GFPT2: variants seen among roughly 807,000 people sequenced by gnomAD.
GFPT2 encodes glutamine--fructose-6-phosphate transaminase 2.
Under a neutral mutation model 85.6 loss-of-function variants are expected in GFPT2, and 62 were observed. That is an observed-to-expected ratio of 0.72 (90% CI 0.59 to 0.90). GFPT2 has a LOEUF of 0.90. Among genes scored for constraint, GFPT2 ranks in the 40% least tolerant of loss-of-function variants. GFPT2 has a pLI of 0.00. For missense variants in GFPT2, 788 were observed against 893.4 expected (o/e 0.88, Z 1.50); for synonymous variants, 368 against 344.5 (o/e 1.07, Z -0.75).
At chr5:180,338,989 T>C (rs1334792155) in intron 1 of GFPT2, among the ~76,000 whole-genome samples, 1 of 152,182 alleles carries the variant, frequency 6.6e-6, no homozygotes, top group African/African-American at 2.4e-5. Context: ...AGGAGTGCCA[T>C]AGAAAGGGAC....
chr5:180,344,479 TG>T (rs2127657614), intron 1 of GFPT2, among the ~76,000 whole-genome samples: 1 of 152,334 alleles, frequency 6.6e-6, no homozygotes, highest in Non-Finnish European at 1.5e-5. Context: ...CACAGGGGGA[TG>T]TCCTAGCCAA....
At chr5:180,337,411 C>T (rs1162854478) in intron 2 of GFPT2, among the ~76,000 whole-genome samples, 1 of 149,782 alleles carries the variant, frequency 6.7e-6, no homozygotes, top group Non-Finnish European at 1.5e-5. Flanking sequence ...TGAGATCGCG[C>T]CACTGCACTT....
At position 180,323,577 on chromosome 5, in the gene GFPT2, T is replaced by C. The variant is rs1219965851; in HGVS notation, c.794+611A>G. Among the ~76,000 whole-genome samples, 1 of 152,132 alleles carries C rather than the reference T, an allele frequency of 6.6e-6. No individual in the cohort carries two copies. The highest frequency in any genetic ancestry group is 2.4e-5 in the African/African-American group (1 of 41,420). On this transcript the variant is annotated intron_variant, in intron 9 of 18. Transcript: ENST00000253778. This position sits in a 1 kb window ranked among gnomAD's most constrained non-coding sequence, Gnocchi z 4.0. ...GTGTGTGTGAGTGTGTGTATAACTT[T>C]TTTTTTTTCTGAAATGAGTATAAAG...
At chr5:180,308,122 G>A (rs912045835) in intron 15 of GFPT2, among the ~76,000 whole-genome samples, 8 of 152,098 alleles carry the variant, frequency 5.3e-5, no homozygotes, top group African/African-American at 1.9e-4. Context: ...CGGGCATGGT[G>A]GCGGGCGCCT....
At chr5:180,345,138 G>T (rs1764581790) in intron 1 of GFPT2, among the ~76,000 whole-genome samples, 1 of 152,284 alleles carries the variant, frequency 6.6e-6, no homozygotes, top group African/African-American at 2.4e-5. Context: ...CACAGGGCAA[G>T]GAGCTTGAGA....
chr5:180,321,736 C>T (rs114307390), intron 9 of GFPT2, among the ~76,000 whole-genome samples: 274 of 151,928 alleles, frequency 1.8e-3, no homozygotes, highest in African/African-American at 6.2e-3. Flanking sequence ...GTTCCAAAGG[C>T]ATAAACAAAT....
intron 1 of GFPT2, among the ~76,000 whole-genome samples, chr5:180,340,912 T>G (rs1764503388): frequency 6.6e-6 from 1 of 152,142 alleles, no homozygotes; most frequent in Admixed American, 6.5e-5. Flanking sequence ...AAGACCACCA[T>G]GCAGCTGAGG....
Position 180,353,307 on chromosome 5 carries a change from T to TGGGCTCCGC in GFPT2, c.-91_-90insGCGGAGCCC, listed in dbSNP as rs1490774353. 9.1e-6 allele frequency: 9 copies of TGGGCTCCGC among 991,642 alleles called. No individual in the cohort carries two copies. Among genetic ancestry groups the TGGGCTCCGC allele is most frequent in the African/African-American group, 3.5e-5 (2 of 56,534 alleles). The allele number at this position is 991,642 out of a possible 1,614,324, so 61.4% of individuals were successfully genotyped here. ...TCCGTGGGCTCCTCCGTGGGCTCCG[T>TGGGCTCCGC]GGGCTCCGTGGGCTCCGCGGGCTCC... On this transcript the variant is annotated 5_prime_UTR_variant, in exon 1 of 19. Coordinates refer to ENST00000253778, the MANE Select transcript of GFPT2 (RefSeq NM_005110.4).
intron 9 of GFPT2, among the ~76,000 whole-genome samples, chr5:180,322,038 C>T (rs760880277): frequency 1.3e-5 from 2 of 152,108 alleles, no homozygotes; most frequent in Non-Finnish European, 2.9e-5. Flanking sequence ...CTGTCCGCCT[C>T]GGCCTCCCAA....
chr5:180,352,755 C>A, intron 1 of GFPT2: 1 of 360,126 alleles, frequency 2.8e-6, no homozygotes. Flanking sequence ...GTCGCCTCTC[C>A]TCTCCTCGGT....
intron 4 of GFPT2, among the ~76,000 whole-genome samples, chr5:180,332,249 G>A (rs1764316677): frequency 6.8e-6 from 1 of 148,128 alleles, no homozygotes; most frequent in Non-Finnish European, 1.5e-5. Context: ...GGGGGGGCGG[G>A]GGGAGCAGGG....
intron 1 of GFPT2, among the ~76,000 whole-genome samples, chr5:180,342,564 C>T (rs1045028565): frequency 6.6e-6 from 1 of 151,984 alleles, no homozygotes; most frequent in Non-Finnish European, 1.5e-5. Context: ...GCATAAGCCA[C>T]AGTGCCCAGC....
chr5:180,332,171 C>CACA (rs1157027427), intron 4 of GFPT2, among the ~76,000 whole-genome samples: 1 of 151,274 alleles, frequency 6.6e-6, no homozygotes, highest in Non-Finnish European at 1.5e-5. Context: ...GTTCCTGCCG[C>CACA]ACAACCCAGC....
intron 13 of GFPT2, 124 bp from the exon 14 acceptor site, chr5:180,314,088 C>G (rs969312372): frequency 2.1e-6 from 2 of 950,780 alleles, no homozygotes; most frequent in Non-Finnish European, 3.0e-6. Context: ...AGCGGGTGTT[C>G]AGAAAGGAAA....
intron 13 of GFPT2, among the ~76,000 whole-genome samples, chr5:180,315,550 C>T (rs1369576951): frequency 3.3e-5 from 5 of 152,048 alleles, no homozygotes; most frequent in Admixed American, 3.3e-4. Flanking sequence ...TCATGATGCC[C>T]GGGATTGGCT....
At chr5:180,329,400 C>T (rs1764267024) in intron 6 of GFPT2, among the ~76,000 whole-genome samples, 2 of 152,142 alleles carry the variant, frequency 1.3e-5, no homozygotes, top group African/African-American at 4.8e-5. Flanking sequence ...AAAAAGAGCC[C>T]GGTACTGTCC....
In GFPT2 at chr5:180,330,692, T is replaced by C. The variant is rs1301515108; in HGVS notation, c.534+8A>G. 6.2e-7 allele frequency: 1 copy of C among 1,610,042 alleles called. No homozygotes were observed. The highest frequency in any genetic ancestry group is 2.2e-5 in the East Asian group (1 of 44,848). The stretch of plus-strand genomic sequence containing the variant: ...GAATGAGTTAGACAGATGGGATTTG[T>C]AACTCACCAACTGCTGAATGACTCT... On this transcript the variant is annotated splice_region_variant and intron_variant, in intron 6 of 18. Coordinates refer to ENST00000253778, the MANE Select transcript of GFPT2 (RefSeq NM_005110.4). The surrounding 1 kb of genome is among the most constrained non-coding windows in gnomAD (Gnocchi z 4.4).
intron 10 of GFPT2, among the ~76,000 whole-genome samples, chr5:180,317,445 A>G (rs1163463891): frequency 6.6e-6 from 1 of 151,780 alleles, no homozygotes; most frequent in Non-Finnish European, 1.5e-5. Flanking sequence ...TCTAATAAAT[A>G]CCCTCCTGGT....
intron 15 of GFPT2, among the ~76,000 whole-genome samples, chr5:180,311,802 G>A (rs1376564546): frequency 6.6e-6 from 1 of 152,168 alleles, no homozygotes; most frequent in Non-Finnish European, 1.5e-5. Context: ...CTGTGAGCAT[G>A]GCCAGGGAGG....
Sources: allele counts gnomAD v4.1 joint callset (sites outside exome capture counted in the v4.1 genomes callset), GRCh38; gene constraint gnomAD v4.1.1; non-coding constraint Gnocchi (gnomAD v3.1); transcripts MANE v1.5; gene names NCBI Gene and HGNC (gene_info 2026-07-23, HGNC 2026-07-21).